The following UNC13A variants were observed in gnomAD, a reference collection of about 807,000 sequenced individuals.
The protein encoded by UNC13A is protein unc-13 homolog A.
UNC13A carries 61 observed loss-of-function variants against 219.7 expected under a neutral mutation model. That is an observed-to-expected ratio of 0.28 (90% confidence interval 0.23 to 0.34). UNC13A has a LOEUF of 0.34. Ranked by LOEUF, UNC13A falls within the 10% of genes least tolerant of loss-of-function variation. UNC13A has a pLI of 1.00. For missense variants in UNC13A, 1,476 were observed against 2,270.3 expected (o/e 0.65, Z 7.11); for synonymous variants, 920 against 884.6 (o/e 1.04, Z -0.71).
At chr19:17,671,460 T>A (rs1469963000) in intron 4 of UNC13A, among the ~76,000 whole-genome samples, 1 of 151,990 alleles carries the variant, frequency 6.6e-6, no homozygotes, top group Non-Finnish European at 1.5e-5. Context: ...GGGATTGGGC[T>A]GTGGGGACAG....
At chr19:17,618,383 A>C (rs371872396) in intron 40 of UNC13A, 38 bp downstream of exon 40, 2 of 1,547,860 alleles carry the variant, frequency 1.3e-6, no homozygotes, top group African/African-American at 2.7e-5. Flanking sequence ...CACCCTCTAC[A>C]TCCCCCACCT....
intron 3 of UNC13A, among the ~76,000 whole-genome samples, chr19:17,672,986 TC>T (rs2079818570): frequency 6.6e-6 from 1 of 152,144 alleles, no homozygotes; most frequent in African/African-American, 2.4e-5. Flanking sequence ...ATATGTGAAT[TC>T]GGGGGAGCAG....
chr19:17,649,190 G>C lies in UNC13A; in HGVS notation c.1524+149C>G, dbSNP rs2079298705. ...TGAGTTAGAAGGGACCCTGGAAAGT[G>C]AGCAGCCCCGCACCCCTGACTCACA... On this transcript the variant is annotated intron_variant, in intron 14 of 43. Coordinates refer to ENST00000519716, the MANE Select transcript of UNC13A (RefSeq NM_001080421.3). This position sits in a 1 kb window ranked among gnomAD's most constrained non-coding sequence, Gnocchi z 4.4. The C allele has an allele frequency of 3.4e-5, 45 of 1,326,638 alleles. 1 individual carries two copies. The South Asian group carries it at 5.1e-4, about 15-fold the overall frequency. The allele number at this position is 1,326,638 out of a possible 1,614,324, so 82.2% of individuals were successfully genotyped here.
chr19:17,638,408 C>T (rs921224256), intron 25 of UNC13A, among the ~76,000 whole-genome samples: 11 of 152,232 alleles, frequency 7.2e-5, no homozygotes, highest in African/African-American at 2.2e-4. Context: ...GTCGAGGCTG[C>T]AGTGAGCCAT....
intron 43 of UNC13A, among the ~76,000 whole-genome samples, chr19:17,609,008 A>C (rs1229637391): frequency 1.4e-5 from 2 of 142,202 alleles, no homozygotes; most frequent in East Asian, 4.1e-4. Context: ...CCCAGGCTGG[A>C]GTGCAATGGC....
rs776187656 is a variant in UNC13A, at chr19:17,652,649, G to A, written c.1421C>T (p.Ser474Phe). The change falls in exon 12 of 44, where the codon TCC becomes TTC. Residue 474 changes from serine (S) to phenylalanine (F), a missense_variant. This residue lies in a region of UNC13A where 351 missense variants were observed against 342.6 expected (regional missense o/e 1.02). Transcript: ENST00000519716. ...TACTTACCCGCCTTTGAACCATAGG[G>A]ATTTAGACATCTCTCCTTCTCCCCG... ...EARGEGEMSKSLWFKGGPGGG... is the reference protein window; with the variant it reads ...EARGEGEMSKFLWFKGGPGGG... The A allele has an allele frequency of 4.3e-6, 7 of 1,613,732 alleles. No individual in the cohort carries two copies. The highest frequency in any genetic ancestry group is 5.9e-6 in the Non-Finnish European group (7 of 1,179,798).
At chr19:17,663,634 C>T (rs957168536) in intron 7 of UNC13A, 67 bp from the exon 8 acceptor site, 34 of 1,516,582 alleles carry the variant, frequency 2.2e-5, no homozygotes, top group Non-Finnish European at 3.1e-5. Flanking sequence ...GAAGGGGGCT[C>T]CCCTGCTGTC....
In UNC13A at chr19:17,674,383, G is replaced by A. The variant is rs1568272718; in HGVS notation, c.152+274C>T. Among the ~76,000 whole-genome samples, 1 of 152,228 alleles carries A rather than the reference G, an allele frequency of 6.6e-6. No homozygotes were observed. The highest frequency in any genetic ancestry group is 1.9e-4 in the East Asian group (1 of 5,204). On this transcript the variant is annotated intron_variant, in intron 3 of 43. Transcript: ENST00000519716. The surrounding 1 kb of genome is among the most constrained non-coding windows in gnomAD (Gnocchi z 5.0). ...CAGTTTTAAAAATATCCCCCTGGCT[G>A]CCTGGAGGAGAACAGATTGTAGGAG...
intron 1 of UNC13A, among the ~76,000 whole-genome samples, chr19:17,681,338 G>A (rs2080014919): frequency 6.6e-6 from 1 of 152,054 alleles, no homozygotes; most frequent in South Asian, 2.1e-4. Flanking sequence ...GGATTAGCTT[G>A]GGGGAAGGGA....
intron 8 of UNC13A, among the ~76,000 whole-genome samples, chr19:17,663,197 G>T (rs1448210999): frequency 6.6e-6 from 1 of 152,038 alleles, no homozygotes; most frequent in Non-Finnish European, 1.5e-5. Context: ...CAGGAGAGGA[G>T]GTGAGGTTAT....
In UNC13A at chr19:17,649,242, G is replaced by A; in HGVS notation, c.1524+97C>T. ...CATCCAACACAGTGGGACATGGCAA[G>A]GTTCCCCCATAATCCATGAATTGGG... On this transcript the variant is annotated intron_variant, in intron 14 of 43. Transcript: ENST00000519716. The surrounding 1 kb of genome is among the most constrained non-coding windows in gnomAD (Gnocchi z 4.4). 6.6e-7 allele frequency: 1 copy of A among 1,522,268 alleles called. No individual in the cohort carries two copies. Among genetic ancestry groups the A allele is most frequent in the South Asian group, 1.2e-5 (1 of 83,746 alleles). 94.3% of individuals were successfully genotyped at this position (1,522,268 alleles called of 1,614,324 possible).
Position 17,606,102 on chromosome 19 carries a change from C to G in UNC13A, c.5064G>C (p.Lys1688Asn). The G allele has an allele frequency of 6.3e-7, 1 of 1,596,172 alleles. No homozygotes were observed. Among genetic ancestry groups the G allele is most frequent in the Non-Finnish European group, 8.5e-7 (1 of 1,173,552 alleles). The change falls in exon 44 of 44, where the codon AAG becomes AAC. Residue 1688 changes from lysine to asparagine, a missense_variant. By Grantham distance (94) the Lys-to-Asn change is moderately conservative. Transcript: ENST00000519716. ...CCTCCTCGGCGGAGCGCGTGTCCGA[C>G]TTGAGCTTCACGAACTCCTTGGCCA... Reference protein sequence around the residue: ...DEVAKEFVKLKSDTRSAEEGG... With the variant: ...DEVAKEFVKLNSDTRSAEEGG...
At chr19:17,621,707 G>T in intron 37 of UNC13A, 125 bp downstream of exon 37, 1 of 911,994 alleles carries the variant, frequency 1.1e-6, no homozygotes. Flanking sequence ...GACTTGGTTA[G>T]GAGAGCTATC....
intron 26 of UNC13A, among the ~76,000 whole-genome samples, chr19:17,634,784 C>T (rs969641134): frequency 3.9e-5 from 6 of 152,200 alleles, no homozygotes; most frequent in Admixed American, 3.3e-4. Flanking sequence ...CAACCTCTGC[C>T]TCCTGGGTTC....
chr19:17,655,357 C>T lies in UNC13A; in HGVS notation c.1309G>A (p.Gly437Ser), dbSNP rs995222403. 1.9e-6 allele frequency: 3 copies of T among 1,588,004 alleles called. No homozygotes were observed. The South Asian group carries it at 3.5e-5, about 18-fold the overall frequency. The change falls in exon 11 of 44, where the codon GGC (glycine) becomes AGC (serine). Residue 437 changes from glycine (G) to serine (S), a missense_variant. By Grantham distance (56) the Gly-to-Ser change is moderately conservative (BLOSUM62 0). Coordinates refer to ENST00000519716, the MANE Select transcript of UNC13A (RefSeq NM_001080421.3). ...ESFRPREDEE[G>S]QEGQDSMSRA... is the part of the protein sequence containing the mutation. ...GACATGGAGTCCTGCCCCTCCTGGC[C>T]TTCCTCATCCTCTCTCGGCCTGAAA...
intron 43 of UNC13A, among the ~76,000 whole-genome samples, chr19:17,608,943 G>T (rs1389960528): frequency 6.7e-6 from 1 of 148,454 alleles, no homozygotes; most frequent in Non-Finnish European, 1.5e-5. Context: ...GAGCCACCAT[G>T]CTCGGCCAGA....
intron 41 of UNC13A, chr19:17,616,260 C>T (rs1261480684): frequency 6.0e-6 from 3 of 500,892 alleles, no homozygotes; most frequent in South Asian, 2.7e-5. Flanking sequence ...CCCCCTCACC[C>T]GCCTGGGCCC....
At position 17,674,040 on chromosome 19, in the gene UNC13A, T is replaced by C. The variant is rs1462916941; in HGVS notation, c.152+617A>G. The stretch of plus-strand genomic sequence containing the variant: ...CAAACAAACAAACAAACAAAATTGG[T>C]GGCAAGGCCTGGGAAGGCATGATGC... On this transcript the variant is annotated intron_variant, in intron 3 of 43. Coordinates refer to ENST00000519716, the MANE Select transcript of UNC13A (RefSeq NM_001080421.3). This position sits in a 1 kb window ranked among gnomAD's most constrained non-coding sequence, Gnocchi z 5.0. Among the ~76,000 whole-genome samples, 1 of 152,186 alleles carries C rather than the reference T, an allele frequency of 6.6e-6. No homozygotes were observed. The highest frequency in any genetic ancestry group is 1.5e-5 in the Non-Finnish European group (1 of 68,032).
Position 17,640,557 on chromosome 19 carries a change from G to A in UNC13A, c.2741C>T (p.Ser914Phe). 6.4e-7 allele frequency: 1 copy of A among 1,556,928 alleles called. No individual in the cohort carries two copies. ...GCGGTCGGAGGCAGACACGTTGGTGGAGGCGGTGGTGTGTGCGTAGTAGGC... is the reference window on the plus strand; with the variant it reads ...GCGGTCGGAGGCAGACACGTTGGTGAAGGCGGTGGTGTGTGCGTAGTAGGC... ...INAYYAHTTA[S>F]TNVSASDRFA... The change falls in exon 22 of 44, where the codon TCC (serine) becomes TTC (phenylalanine). Residue 914 changes from serine to phenylalanine, a missense_variant. Around this residue, in one of 14 missense-constraint regions of UNC13A, gnomAD observed 140 missense variants for 270.9 expected, o/e 0.52. Transcript: ENST00000519716.
Sources: allele counts gnomAD v4.1 joint callset (sites outside exome capture counted in the v4.1 genomes callset), GRCh38; gene constraint gnomAD v4.1.1; regional missense constraint gnomAD v4.1.1; non-coding constraint Gnocchi (gnomAD v3.1); transcripts MANE v1.5; gene names NCBI Gene and HGNC (gene_info 2026-07-23, HGNC 2026-07-21).